NFATC1: variants seen among roughly 807,000 people sequenced by gnomAD.
NFATC1 encodes the protein nuclear factor of activated T-cells, cytoplasmic 1.
NFATC1 carries 22 observed loss-of-function variants against 76.0 expected under a neutral mutation model. The observed-to-expected ratio is 0.29, with a 90% confidence interval of 0.21 to 0.41. NFATC1 has a LOEUF of 0.41. Ranked by LOEUF, NFATC1 falls within the 10% of genes least tolerant of loss-of-function variation. The pLI is 1.00. For missense variants in NFATC1, 1,357 were observed against 1,337.7 expected, an observed-to-expected ratio of 1.01 and a Z score of -0.23; for synonymous variants, 704 against 613.1, an observed-to-expected ratio of 1.15 and a Z score of -2.19.
In NFATC1 at chr18:79,522,794, GGT is replaced by G. The variant is rs150359070; in HGVS notation, c.2783-4733_2783-4732del. On this transcript the variant is annotated intron_variant, in intron 9 of 9. Coordinates refer to ENST00000427363, the MANE Select transcript of NFATC1 (RefSeq NM_001278669.2). ...CAGGGTGGGAACCCTCCTGTCCCAG[GGT>G]CTGAGTCGTCCCCCAGGCACCAGCC... Among the ~76,000 whole-genome samples, 441 of 152,252 alleles carry G rather than the reference GGT, an allele frequency of 2.9e-3. 1 individual carries two copies. The highest frequency in any genetic ancestry group is 0.01 in the African/African-American group (416 of 41,538).
intron 1 of NFATC1, among the ~76,000 whole-genome samples, chr18:79,401,867 C>T (rs1362658084): frequency 6.6e-6 from 1 of 152,240 alleles, no homozygotes; most frequent in Non-Finnish European, 1.5e-5. Context: ...GCTGCCAGAA[C>T]CCAGGCCCTA....
intron 8 of NFATC1, chr18:79,468,129 AC>A (rs2088613515): frequency 3.5e-6 from 1 of 283,454 alleles, no homozygotes; most frequent in Non-Finnish European, 5.3e-6. Context: ...CTTCTCCTCA[AC>A]CTGCCTGCCC....
intron 8 of NFATC1, among the ~76,000 whole-genome samples, chr18:79,476,209 C>T (rs545485594): frequency 5.3e-4 from 80 of 152,342 alleles, no homozygotes; most frequent in Non-Finnish European, 9.0e-4. Flanking sequence ...GCCAGCCGCG[C>T]GCCTGGGAGG....
At chr18:79,512,530 T>C (rs954668207) in intron 9 of NFATC1, among the ~76,000 whole-genome samples, 3 of 152,192 alleles carry the variant, frequency 2.0e-5, no homozygotes, top group Non-Finnish European at 4.4e-5. Context: ...GGTCAGAGCC[T>C]TGGCAGTTGT....
At chr18:79,487,825 C>T (rs1218300712) in intron 9 of NFATC1, among the ~76,000 whole-genome samples, 2 of 152,234 alleles carry the variant, frequency 1.3e-5, no homozygotes, top group East Asian at 1.9e-4. Context: ...GCGTTGTGAT[C>T]GGGGCGTGCC....
At chr18:79,513,566 T>C (rs190100007) in intron 9 of NFATC1, among the ~76,000 whole-genome samples, 4 of 152,374 alleles carry the variant, frequency 2.6e-5, no homozygotes, top group Admixed American at 2.6e-4. Context: ...GAGGGACACG[T>C]GCTTTCCCGC....
chr18:79,500,711 A>G (rs2089994642), intron 9 of NFATC1, among the ~76,000 whole-genome samples: 1 of 152,212 alleles, frequency 6.6e-6, no homozygotes, highest in South Asian at 2.1e-4. Flanking sequence ...GTTATAAGGG[A>G]ATACTATAAC....
chr18:79,462,812 G>A (rs941970174), intron 7 of NFATC1, among the ~76,000 whole-genome samples: 1 of 147,116 alleles, frequency 6.8e-6, no homozygotes, highest in Non-Finnish European at 1.5e-5. Context: ...CCCACTCAGT[G>A]TGTGTCCCTG....
rs942999382 is a variant in NFATC1, at chr18:79,527,244, A to T, written c.2783-284A>T. On this transcript the variant is annotated intron_variant, in intron 9 of 9. Coordinates refer to ENST00000427363, the MANE Select transcript of NFATC1 (RefSeq NM_001278669.2). ...GAGACAGCCACAGCATCTTCCCAGC[A>T]TCGCGGCCGGCACCTGGCACCTGCA... 3.8e-5 allele frequency: 14 copies of T among 367,216 alleles called. No individual in the cohort carries two copies. The East Asian group carries it at 6.4e-4, about 17-fold the overall frequency. The allele number at this position is 367,216 out of a possible 1,614,324, so 22.7% of individuals were successfully genotyped here.
chr18:79,470,823 C>CA (rs2088757203), intron 8 of NFATC1: 3 of 152,274 alleles, frequency 2.0e-5, no homozygotes, highest in African/African-American at 7.2e-5. Flanking sequence ...CATCTGAGTG[C>CA]AGGGGGCCCC....
chr18:79,492,944 C>T (rs1415602156), intron 9 of NFATC1, among the ~76,000 whole-genome samples: 4 of 133,646 alleles, frequency 3.0e-5, no homozygotes, highest in Admixed American at 7.9e-5. Flanking sequence ...CTTTGCTTTC[C>T]AGTCCTTTCT....
chr18:79,438,420 G>A lies in NFATC1; in HGVS notation c.1386+4682G>A, dbSNP rs964168692. ...CCATGGCACCCACCATCCCACGGGG[G>A]CACGTGGACCTCTGTGGGATATAGC... On this transcript the variant is annotated intron_variant, in intron 3 of 9. Transcript: ENST00000427363. Among the ~76,000 whole-genome samples the A allele has an allele frequency of 3.9e-5, 6 of 152,302 alleles. No homozygotes were observed. In the East Asian group the frequency reaches 1.2e-3, roughly 30 times the overall value.
At chr18:79,422,633 C>A (rs1037866458) in intron 2 of NFATC1, 1 of 152,240 alleles carries the variant, frequency 6.6e-6, no homozygotes, top group Admixed American at 6.5e-5. Context: ...GCGCTGGGAT[C>A]CCACAGCGAG....
intron 3 of NFATC1, among the ~76,000 whole-genome samples, chr18:79,441,656 A>G (rs1477691905): frequency 6.6e-6 from 1 of 152,000 alleles, no homozygotes; most frequent in Non-Finnish European, 1.5e-5. Flanking sequence ...ACAAATGACA[A>G]GCGCTCCTGC....
intron 2 of NFATC1, among the ~76,000 whole-genome samples, chr18:79,432,116 A>G (rs11664725): frequency 0.27 from 41,555 of 152,232 alleles, 6,218 homozygotes; most frequent in African/African-American, 0.41. Context: ...CTGCGACTGC[A>G]TCGCATGGAA....
Position 79,527,630 on chromosome 18 carries a change from A to T in NFATC1, c.*53A>T. On this transcript the variant is annotated 3_prime_UTR_variant, in exon 10 of 10. Transcript: ENST00000427363. Reference sequence around the variant, plus strand: ...AGGGGTATGCTGACTTCAGCAGACAAAGACTTTTGAATAAATAAACTGAAC... The same window carrying T: ...AGGGGTATGCTGACTTCAGCAGACATAGACTTTTGAATAAATAAACTGAAC... 1 of 1,519,708 alleles carries T rather than the reference A, an allele frequency of 6.6e-7. No individual in the cohort carries two copies. Among genetic ancestry groups the T allele is most frequent in the Non-Finnish European group, 9.1e-7 (1 of 1,096,202 alleles). The allele number at this position is 1,519,708 out of a possible 1,614,324, so 94.1% of individuals were successfully genotyped here. A position where few individuals can be genotyped will look rare whatever the true frequency, so the allele number is the denominator to read the frequency against.
At position 79,460,026 on chromosome 18, in the gene NFATC1, T is replaced by G. The variant is rs2087977597; in HGVS notation, c.1904-1285T>G. Among the ~76,000 whole-genome samples, 3 of 152,196 alleles carry G rather than the reference T, an allele frequency of 2.0e-5. No individual in the cohort carries two copies. The South Asian group carries it at 6.2e-4, about 32-fold the overall frequency. On this transcript the variant is annotated intron_variant, in intron 6 of 9. Transcript: ENST00000427363. The stretch of plus-strand genomic sequence containing the variant: ...GTGTACTTTTTAGTTTCCTGTAATT[T>G]TTTTCCTAGAGGAGAGAGGGATGCC...
In NFATC1 at chr18:79,419,689, G is replaced by A. The variant is rs146730496; in HGVS notation, c.1226+8188G>A. Among the ~76,000 whole-genome samples, 1,066 of 152,370 alleles carry A rather than the reference G, an allele frequency of 7.0e-3. 12 individuals are homozygous for A. The highest frequency in any genetic ancestry group is 0.02 in the Middle Eastern group (6 of 294). Reference sequence around the variant, plus strand: ...AAGCTGCCTGTGGTCCAGCTGGGAGGAAGTGTCTGGTCCTGATGTGCGTCG... The same window carrying A: ...AAGCTGCCTGTGGTCCAGCTGGGAGAAAGTGTCTGGTCCTGATGTGCGTCG... On this transcript the variant is annotated intron_variant, in intron 2 of 9. Transcript: ENST00000427363.
chr18:79,456,542 C>G (rs1246870750), intron 6 of NFATC1, among the ~76,000 whole-genome samples: 1 of 152,250 alleles, frequency 6.6e-6, no homozygotes, highest in African/African-American at 2.4e-5. Flanking sequence ...CCAGCTGCCC[C>G]TGCTCCTTGT....
Sources: gnomAD v4.1 joint callset for allele counts (sites outside exome capture counted in the v4.1 genomes callset) on GRCh38, gnomAD v4.1.1 for gene constraint, MANE v1.5 for transcripts, NCBI Gene and HGNC (gene_info 2026-07-23, HGNC 2026-07-21) for gene names.